The following ANKRD42 variants were observed in gnomAD, a reference collection of about 807,000 sequenced individuals.
ANKRD42 encodes ankyrin repeat domain-containing protein 42.
In ANKRD42, 43 loss-of-function variants were observed where a neutral mutation model predicts 51.5. The observed-to-expected ratio is 0.83, with a 90% CI of 0.65 to 1.08. ANKRD42 has a LOEUF of 1.08. Ranked by LOEUF, ANKRD42 falls within the 50% of genes least tolerant of loss-of-function variation. The probability of loss-of-function intolerance (pLI) is 0.00; values close to 1 mark genes in which losing one functional copy is unlikely to be tolerated. For missense variants in ANKRD42, 608 were observed against 629.3 expected, an observed-to-expected ratio of 0.97 and a Z score of 0.36; for synonymous variants, 203 against 213.0, an observed-to-expected ratio of 0.95 and a Z score of 0.41.
intron 11 of ANKRD42, among the ~76,000 whole-genome samples, chr11:83,255,207 A>T (rs377165980): frequency 6.6e-6 from 1 of 152,224 alleles, no homozygotes; most frequent in South Asian, 2.1e-4. Context: ...GAATTACTCA[A>T]AGATGATTAA....
At chr11:83,216,101 C>T (rs747315373) in intron 5 of ANKRD42, among the ~76,000 whole-genome samples, 7 of 152,238 alleles carry the variant, frequency 4.6e-5, no homozygotes, top group Non-Finnish European at 7.4e-5. Flanking sequence ...CACCTATTTA[C>T]ATATTTTTGT....
At position 83,194,235 on chromosome 11, in the gene ANKRD42, C is replaced by T. The variant is rs1233079595; in HGVS notation, c.-436C>T. On this transcript the variant is annotated 5_prime_UTR_variant, in exon 1 of 11. Coordinates refer to ENST00000533342, the MANE Select transcript of ANKRD42 (RefSeq NM_001300975.2). ...CCAGAGAAGACCGAGGCCTCCGCCT[C>T]AGTGGTCCTTGGGAGGGAGTCAGTG... The T allele has an allele frequency of 2.2e-6, 1 of 463,030 alleles. No individual in the cohort carries two copies. The highest frequency in any genetic ancestry group is 2.0e-5 in the African/African-American group (1 of 50,366). The allele number at this position is 463,030 out of a possible 1,614,324, so 28.7% of individuals were successfully genotyped here.
intron 3 of ANKRD42, among the ~76,000 whole-genome samples, chr11:83,206,556 C>T (rs1296158012): frequency 6.6e-6 from 1 of 152,160 alleles, no homozygotes. Flanking sequence ...GGTTTGCCCT[C>T]ATAAATGGGA....
In ANKRD42 at chr11:83,256,007, T is replaced by C. The variant is rs140729976; in HGVS notation, c.*73T>C. The C allele has an allele frequency of 3.8e-4, 407 of 1,081,158 alleles. 4 individuals carry two copies. In the African/African-American group the frequency reaches 5.2e-3, roughly 14 times the overall value. The allele number at this position is 1,081,158 out of a possible 1,614,324, so 67.0% of individuals were successfully genotyped here. On this transcript the variant is annotated 3_prime_UTR_variant, in exon 12 of 12. Coordinates refer to the ANKRD42 transcript ENST00000260047. ...AAAAATTGATATAAATGTGAGTCTA[T>C]ACAAACTATCTCAGAATTACTCTGA...
chr11:83,244,912 T>G (rs1863497678), intron 9 of ANKRD42, among the ~76,000 whole-genome samples: 1 of 147,262 alleles, frequency 6.8e-6, no homozygotes, highest in Admixed American at 6.8e-5. Flanking sequence ...ACTGCTAGTC[T>G]TTTTTTTTTT....
In ANKRD42 at chr11:83,210,409, G is replaced by A. The variant is rs780800417; in HGVS notation, c.440G>A (p.Arg147Gln). ...TCTTTCACTTTACAAATAATGCTCC[G>A]AAGTGGAGTGGTGAGTGACTCCTGT... ...GHSFTLQIML[R>Q]SGVDPSVTDK... Residue 147 changes from arginine to glutamine, a missense_variant, in exon 4 of 11, where the codon CGA becomes CAA. By Grantham distance (43) the Arg-to-Gln change is conservative (BLOSUM62 1). Transcript: ENST00000533342. 7 of 1,613,732 alleles carry A rather than the reference G, an allele frequency of 4.3e-6. No individual in the cohort carries two copies. The highest frequency in any genetic ancestry group is 1.7e-5 in the Admixed American group (1 of 59,996).
chr11:83,204,819 G>A (rs1198805071), intron 2 of ANKRD42, among the ~76,000 whole-genome samples: 1 of 152,090 alleles, frequency 6.6e-6, no homozygotes, highest in Admixed American at 6.6e-5. Context: ...TCAGAACTCA[G>A]CAGTAAGAAA....
chr11:83,214,920 AC>A (rs745413785), intron 5 of ANKRD42: 1 of 152,084 alleles, frequency 6.6e-6, no homozygotes, highest in Non-Finnish European at 1.5e-5. Flanking sequence ...CAATCAATCT[AC>A]TCTCTATCTT....
At position 83,194,452 on chromosome 11, in the gene ANKRD42, A is replaced by G. The variant is rs1294754778; in HGVS notation, c.-219A>G. 1 of 698,322 alleles carries G rather than the reference A, an allele frequency of 1.4e-6. No individual in the cohort carries two copies. The highest frequency in any genetic ancestry group is 2.0e-5 in the Admixed American group (1 of 49,776). The allele number at this position is 698,322 out of a possible 1,614,324, so 43.3% of individuals were successfully genotyped here. A position where few individuals can be genotyped will look rare whatever the true frequency, so the allele number is the denominator to read the frequency against. On this transcript the variant is annotated 5_prime_UTR_variant, in exon 1 of 11. Transcript: ENST00000533342. ...TGGTGTGAGCGGCAGTGAAGACGCCAGCTACCGCTTCAGTGGCTTTTGGGA... is the reference window on the plus strand; with the variant it reads ...TGGTGTGAGCGGCAGTGAAGACGCCGGCTACCGCTTCAGTGGCTTTTGGGA...
chr11:83,194,485 A>C lies in ANKRD42; in HGVS notation c.-186A>C. 1.4e-6 allele frequency: 1 copy of C among 711,098 alleles called. No individual in the cohort carries two copies. Among genetic ancestry groups the C allele is most frequent in the Non-Finnish European group, 2.5e-6 (1 of 392,440 alleles). The allele number at this position is 711,098 out of a possible 1,614,324, so 44.0% of individuals were successfully genotyped here. The stretch of plus-strand genomic sequence containing the variant: ...CTTCAGTGGCTTTTGGGAGAGAGAA[A>C]GTGAAGACGAAGGTTTCCGCTGCAG... On this transcript the variant is annotated 5_prime_UTR_variant, in exon 1 of 11. Coordinates refer to ENST00000533342, the MANE Select transcript of ANKRD42 (RefSeq NM_001300975.2).
rs367714183 is a variant in ANKRD42 at position 83,224,636 on chromosome 11, T to C, written c.587-219T>C. The stretch of plus-strand genomic sequence containing the variant: ...TAGTTTCAATTTAAAAAATAAATTC[T>C]GCCAGGCATGGTAGCTCCTGCCTGT... On this transcript the variant is annotated intron_variant, in intron 5 of 10. Coordinates refer to ENST00000533342, the MANE Select transcript of ANKRD42 (RefSeq NM_001300975.2). Among the ~76,000 whole-genome samples, 109 of 152,220 alleles carry C rather than the reference T, an allele frequency of 7.2e-4. 4 individuals are homozygous for C. In the South Asian group the frequency reaches 0.022, roughly 31 times the overall value.
intron 1 of ANKRD42, among the ~76,000 whole-genome samples, chr11:83,195,540 T>C (rs1475390277): frequency 1.3e-5 from 2 of 152,214 alleles, no homozygotes; most frequent in Non-Finnish European, 2.9e-5. Context: ...TTTCCTTGGG[T>C]ACCTCAAGAG....
chr11:83,245,964 A>G (rs753448208), intron 10 of ANKRD42, among the ~76,000 whole-genome samples: 1 of 152,166 alleles, frequency 6.6e-6, no homozygotes, highest in Non-Finnish European at 1.5e-5. Flanking sequence ...CTGCCCATTC[A>G]TAAATCTGAG....
At chr11:83,202,836 A>G (rs1861921934) in intron 2 of ANKRD42, among the ~76,000 whole-genome samples, 1 of 152,168 alleles carries the variant, frequency 6.6e-6, no homozygotes, top group South Asian at 2.1e-4. Flanking sequence ...TTTTTCCACA[A>G]TACCTAGTGT....
At chr11:83,259,220 G>A (rs935376431), downstream of ANKRD42, 3 of 152,142 alleles carry the variant, frequency 2.0e-5, no homozygotes, top group Admixed American at 2.0e-4. Flanking sequence ...ATAGTGAAGT[G>A]CAAGTGCTGG....
intron 8 of ANKRD42, among the ~76,000 whole-genome samples, chr11:83,238,654 A>T (rs1489462984): frequency 6.6e-6 from 1 of 152,084 alleles, no homozygotes; most frequent in Non-Finnish European, 1.5e-5. Flanking sequence ...AACATGGAGA[A>T]ACCCTGTGTC....
At chr11:83,241,188 T>C (rs11233536) in intron 9 of ANKRD42, among the ~76,000 whole-genome samples, 6,029 of 152,220 alleles carry the variant, frequency 0.04, 404 homozygotes, top group African/African-American at 0.14. Flanking sequence ...CTTCAGTGGA[T>C]CAAGGAAACA....
chr11:83,239,660 C>T (rs1591004744), intron 8 of ANKRD42, among the ~76,000 whole-genome samples: 1 of 72,278 alleles, frequency 1.4e-5, no homozygotes, highest in South Asian at 4.0e-4. Flanking sequence ...TCTCCACTGC[C>T]TTTGTGCCTT....
intron 10 of ANKRD42, 65 bp from the exon 11 acceptor site, chr11:83,247,878 C>T: frequency 2.3e-6 from 3 of 1,312,388 alleles, no homozygotes; most frequent in Non-Finnish European, 3.1e-6. Flanking sequence ...GAATGCTTTC[C>T]ACTACTAAAA....
Sources: allele counts gnomAD v4.1 joint callset (sites outside exome capture counted in the v4.1 genomes callset), GRCh38; gene constraint gnomAD v4.1.1; transcripts MANE v1.5; gene names NCBI Gene and HGNC (gene_info 2026-07-23, HGNC 2026-07-21).